IL7: variants seen among roughly 807,000 people sequenced by gnomAD.
The protein encoded by IL7 is interleukin-7.
A neutral mutation model predicts 21.6 loss-of-function variants in IL7; 3 were observed. The observed-to-expected ratio is 0.14, with a 90% CI of 0.06 to 0.36. The LOEUF (loss-of-function observed/expected upper bound fraction) is 0.36. Ranked by LOEUF, IL7 falls within the 10% of genes least tolerant of loss-of-function variation. The pLI is 1.00. For missense variants in IL7, 175 were observed against 200.2 expected (o/e 0.87, Z 0.76); for synonymous variants, 62 against 68.1 (o/e 0.91, Z 0.44).
At chr8:78,686,463 A>G (rs1284277690) in intron 3 of IL7, 3 of 1,364,506 alleles carry the variant, frequency 2.2e-6, no homozygotes, top group Non-Finnish European at 1.9e-6. Flanking sequence ...TTATTTATTT[A>G]TAGCCAGAAC....
At chr8:78,792,990 T>C (rs1019510751) in intron 2 of IL7, among the ~76,000 whole-genome samples, 1 of 152,160 alleles carries the variant, frequency 6.6e-6, no homozygotes, top group Non-Finnish European at 1.5e-5. Flanking sequence ...CAGAAATTGA[T>C]GAATGGATAA....
At chr8:78,762,242 A>G in intron 2 of IL7, 1 of 1,579,786 alleles carries the variant, frequency 6.3e-7, no homozygotes, top group Non-Finnish European at 8.7e-7. Context: ...AGAGGTCTCA[A>G]AATGTTTGGC....
At chr8:78,797,274 G>A (rs28489143) in intron 2 of IL7, among the ~76,000 whole-genome samples, 4,150 of 151,900 alleles carry the variant, frequency 0.027, 156 homozygotes, top group African/African-American at 0.088. Flanking sequence ...AGGATGAGTC[G>A]GTGGATAGGA....
chr8:78,779,664 T>C (rs1046235839), intron 2 of IL7, among the ~76,000 whole-genome samples: 35 of 152,170 alleles, frequency 2.3e-4, no homozygotes, highest in African/African-American at 8.4e-4. Flanking sequence ...GATTTTTGTA[T>C]TGACGTTCAT....
chr8:78,705,337 C>G (rs1810737138), intron 3 of IL7, among the ~76,000 whole-genome samples: 1 of 152,150 alleles, frequency 6.6e-6, no homozygotes, highest in Admixed American at 6.5e-5. Context: ...CATAGGGCTG[C>G]TTGTGTATGC....
At chr8:78,795,417 C>G (rs1012448959) in intron 2 of IL7, among the ~76,000 whole-genome samples, 2 of 152,008 alleles carry the variant, frequency 1.3e-5, no homozygotes, top group African/African-American at 4.8e-5. Flanking sequence ...TAGCTGTGTT[C>G]TCTTCCATGT....
At chr8:78,739,624 G>A (rs945147960) in intron 3 of IL7, among the ~76,000 whole-genome samples, 2 of 151,700 alleles carry the variant, frequency 1.3e-5, no homozygotes, top group Admixed American at 6.6e-5. Context: ...ACCAGGAGGC[G>A]GAGTTTGCAG....
chr8:78,677,550 C>T (rs1809621859), intron 4 of IL7, among the ~76,000 whole-genome samples: 1 of 152,084 alleles, frequency 6.6e-6, no homozygotes, highest in African/African-American at 2.4e-5. Flanking sequence ...CTTTAGTAAT[C>T]CAAACTACTA....
intron 2 of IL7, chr8:78,762,339 T>G: frequency 6.2e-7 from 1 of 1,611,708 alleles, no homozygotes; most frequent in Non-Finnish European, 8.5e-7. Context: ...TTCTGGCATC[T>G]GGCAGGGTCC....
At chr8:78,728,425 G>A (rs1811370377), downstream of IL7, among the ~76,000 whole-genome samples, 1 of 152,000 alleles carries the variant, frequency 6.6e-6, no homozygotes, top group South Asian at 2.1e-4. Flanking sequence ...AGGATACATA[G>A]ATCATCAGAA....
In IL7 at chr8:78,722,657, A is replaced by G. The variant is rs954874787; in HGVS notation, n.268-1217T>C. Among the ~76,000 whole-genome samples the G allele has an allele frequency of 2.0e-5, 3 of 151,976 alleles. No individual in the cohort carries two copies. The East Asian group carries it at 5.8e-4, about 29-fold the overall frequency. On this transcript the variant is annotated intron_variant and non_coding_transcript_variant, in intron 3 of 6. Coordinates refer to the IL7 transcript ENST00000519833. ...GTGGGGCTTTAGAATATAGTTATGT[A>G]CATATCTCCATATCTACAAAGAGTT... is the stretch of plus-strand genomic sequence containing the variant.
At chr8:78,776,876 G>T (rs1048223449) in intron 2 of IL7, among the ~76,000 whole-genome samples, 6 of 151,918 alleles carry the variant, frequency 3.9e-5, no homozygotes, top group African/African-American at 1.5e-4. Context: ...TTGACACAGG[G>T]TCCACACGGG....
At chr8:78,797,143 T>C (rs1813879204) in intron 2 of IL7, among the ~76,000 whole-genome samples, 1 of 151,840 alleles carries the variant, frequency 6.6e-6, no homozygotes, top group African/African-American at 2.4e-5. Flanking sequence ...AGTGAAAGAA[T>C]CCAGTCTAAA....
chr8:78,749,227 G>A (rs569361651), intron 2 of IL7, among the ~76,000 whole-genome samples: 6 of 152,038 alleles, frequency 3.9e-5, no homozygotes, highest in Non-Finnish European at 8.8e-5. Flanking sequence ...TATTGACTAA[G>A]TCAATTCCTT....
chr8:78,772,066 C>T (rs567582080), intron 2 of IL7, among the ~76,000 whole-genome samples: 8 of 152,244 alleles, frequency 5.3e-5, no homozygotes, highest in African/African-American at 1.9e-4. Flanking sequence ...TATCTAACAA[C>T]TGTCACTATC....
At chr8:78,729,807 A>G (rs1388317808), downstream of IL7, among the ~76,000 whole-genome samples, 1 of 152,024 alleles carries the variant, frequency 6.6e-6, no homozygotes. Context: ...TTTAGGTTAA[A>G]GTTCTCATTT....
At chr8:78,678,598 TA>T in intron 4 of IL7, 1 of 1,612,176 alleles carries the variant, frequency 6.2e-7, no homozygotes, top group Non-Finnish European at 8.5e-7. Flanking sequence ...AGACTGCAAC[TA>T]AAAAACGGAA....
At chr8:78,708,045 A>G (rs1386709341) in intron 3 of IL7, among the ~76,000 whole-genome samples, 3 of 152,132 alleles carry the variant, frequency 2.0e-5, no homozygotes, top group African/African-American at 7.2e-5. Context: ...CTGTTAATCT[A>G]TTGGCATGTC....
intron 3 of IL7, among the ~76,000 whole-genome samples, chr8:78,698,168 G>C (rs1021068300): frequency 6.6e-6 from 1 of 152,154 alleles, no homozygotes; most frequent in Non-Finnish European, 1.5e-5. Flanking sequence ...TTAATAGTTA[G>C]AAGAAGATAT....
Sources: allele counts gnomAD v4.1 joint callset (sites outside exome capture counted in the v4.1 genomes callset), GRCh38; gene constraint gnomAD v4.1.1; transcripts MANE v1.5; gene names NCBI Gene and HGNC (gene_info 2026-07-23, HGNC 2026-07-21).